The following JMJD1C variants were observed in gnomAD, a reference collection of about 807,000 sequenced individuals.
The protein encoded by JMJD1C is jumonji domain containing 1C.
A neutral mutation model predicts 245.3 loss-of-function variants in JMJD1C; 31 were observed. The observed-to-expected ratio is 0.13, with a 90% CI of 0.09 to 0.17. The LOEUF (loss-of-function observed/expected upper bound fraction) is 0.17, where lower values mean the gene tolerates loss of function less well. Among genes scored for constraint, JMJD1C ranks in the 10% least tolerant of loss-of-function variants. The pLI, the probability that JMJD1C is intolerant of heterozygous loss-of-function variation, is 1.00. For synonymous variants in JMJD1C, 1,057 were observed against 1,017.4 expected, an observed-to-expected ratio of 1.04 and a Z score of -0.74; for missense variants, 2,691 against 3,000.2, an observed-to-expected ratio of 0.90 and a Z score of 2.41.
chr10:63,402,181 A>G (rs1337600777), intron 1 of JMJD1C, among the ~76,000 whole-genome samples: 7 of 151,914 alleles, frequency 4.6e-5, no homozygotes, highest in Non-Finnish European at 7.4e-5. Flanking sequence ...GATTGTTTTC[A>G]AAAGCAAACA....
Position 63,215,393 on chromosome 10 carries a change from T to A in JMJD1C, c.885A>T (p.Val295=). ...PRPAMNSQAA[V]PKQNTHQQQQ... is the part of the protein sequence containing the mutation. ...GTTGCTGGTGTGTATTCTGTTTTGG[T>A]ACAGCAGCTTGGGAGTTCATTGCTG... Residue 295 remains valine (V), a synonymous_variant, in exon 7 of 26, where the codon GTA becomes GTT. Transcript: ENST00000399262. 1 of 1,614,194 alleles carries A rather than the reference T, an allele frequency of 6.2e-7. No individual in the cohort carries two copies. Among genetic ancestry groups the A allele is most frequent in the Non-Finnish European group, 8.5e-7 (1 of 1,180,024 alleles).
chr10:63,478,496 T>C (rs1197205402), intron 1 of JMJD1C, among the ~76,000 whole-genome samples: 2 of 152,188 alleles, frequency 1.3e-5, no homozygotes, highest in African/African-American at 2.4e-5. Flanking sequence ...TGGCGAATCC[T>C]CAAAACCACC....
In JMJD1C at chr10:63,305,629, C is replaced by T. The variant is rs978981558; in HGVS notation, c.334-40865G>A. Reference sequence around the variant, plus strand: ...CTACGGGCAAGCACCACCATGCTGGCGTGTGTGTGTGTGTGTGTGTGTGTG... The same window carrying T: ...CTACGGGCAAGCACCACCATGCTGGTGTGTGTGTGTGTGTGTGTGTGTGTG... On this transcript the variant is annotated intron_variant, in intron 2 of 25. Transcript: ENST00000399262. Among the ~76,000 whole-genome samples the T allele has an allele frequency of 1.7e-3, 207 of 121,772 alleles. 6 individuals carry two copies. The highest frequency in any genetic ancestry group is 3.1e-3 in the South Asian group (10 of 3,196). 79.9% of individuals were successfully genotyped at this position (121,772 alleles called of 152,430 possible).
intron 3 of JMJD1C, among the ~76,000 whole-genome samples, chr10:63,220,434 A>T (rs986201537): frequency 6.6e-6 from 1 of 152,224 alleles, no homozygotes; most frequent in Non-Finnish European, 1.5e-5. Flanking sequence ...AACTACTTTT[A>T]TTCTGTCCTG....
intron 22 of JMJD1C, among the ~76,000 whole-genome samples, chr10:63,179,158 C>T (rs1843176292): frequency 6.6e-6 from 1 of 151,950 alleles, no homozygotes. Flanking sequence ...ACCTGTAATC[C>T]CAGCACTTTG....
chr10:63,254,659 G>A (rs1439897208), intron 3 of JMJD1C, among the ~76,000 whole-genome samples: 3 of 151,602 alleles, frequency 2.0e-5, no homozygotes, highest in African/African-American at 7.3e-5. Context: ...TCCCATCCCC[G>A]CCTCCCAAGT....
chr10:63,266,998 C>A (rs1448605008), intron 2 of JMJD1C, among the ~76,000 whole-genome samples: 1 of 152,092 alleles, frequency 6.6e-6, no homozygotes, highest in Non-Finnish European at 1.5e-5. Context: ...TAAAAAAATT[C>A]TCACGTTTTA....
At chr10:63,290,244 C>T (rs536236126) in intron 2 of JMJD1C, among the ~76,000 whole-genome samples, 2 of 152,114 alleles carry the variant, frequency 1.3e-5, no homozygotes, top group Non-Finnish European at 2.9e-5. Context: ...TGTATATTTC[C>T]GAAACTTCTG....
At chr10:63,469,011 TATAAA>T (rs201016920), upstream of JMJD1C, among the ~76,000 whole-genome samples, 2,025 of 152,270 alleles carry the variant, frequency 0.013, 28 homozygotes, top group African/African-American at 0.034. Flanking sequence ...AAAACTGACT[TATAAA>T]GGAAGAAAAT....
At chr10:63,248,398 G>GTAAACCCAGCTACCCC (rs71025137) in intron 3 of JMJD1C, among the ~76,000 whole-genome samples, 30,491 of 151,826 alleles carry the variant, frequency 0.2, 4,031 homozygotes, top group Non-Finnish European at 0.29. Context: ...GCAGGTGCCT[G>GTAAACCCAGCTACCCC]TAAACCCAGC....
chr10:63,191,066 C>T lies in JMJD1C; in HGVS notation c.6119G>A (p.Arg2040Lys), dbSNP rs1450486764. ...LTLENQIKEE[R>K]EQDNSESPNG... is the part of the protein sequence containing the mutation. ...TGGAGATTCAGAGTTGTCTTGTTCT[C>T]TTTCTTCTTTAATTTGGTTTTCAAG... The change falls in exon 17 of 26, where the codon AGA (arginine) becomes AAA (lysine). Residue 2040 changes from arginine (R) to lysine (K), a missense_variant. This residue lies in a region of JMJD1C where 275 missense variants were observed against 285.5 expected (regional missense o/e 0.96). Coordinates refer to ENST00000399262, the MANE Select transcript of JMJD1C (RefSeq NM_032776.3). 6.2e-7 allele frequency: 1 copy of T among 1,613,872 alleles called. No individual in the cohort carries two copies. The highest frequency in any genetic ancestry group is 1.3e-5 in the African/African-American group (1 of 74,924).
At chr10:63,515,121 T>A (rs1308152619) in intron 1 of JMJD1C, among the ~76,000 whole-genome samples, 2 of 152,102 alleles carry the variant, frequency 1.3e-5, no homozygotes, top group Non-Finnish European at 2.9e-5. Flanking sequence ...TCCCTTCAAA[T>A]GGAACAGGGT....
At chr10:63,306,925 T>C (rs558881016) in intron 2 of JMJD1C, among the ~76,000 whole-genome samples, 1 of 152,300 alleles carries the variant, frequency 6.6e-6, no homozygotes, top group East Asian at 1.9e-4. Flanking sequence ...TTTACCAGGG[T>C]TAAACGTCCT....
chr10:63,516,247 A>C (rs1446969675), intron 1 of JMJD1C, among the ~76,000 whole-genome samples: 2 of 151,864 alleles, frequency 1.3e-5, no homozygotes, highest in African/African-American at 4.8e-5. Flanking sequence ...AAAAAAAAAA[A>C]AACCTGGGAA....
intron 1 of JMJD1C, among the ~76,000 whole-genome samples, chr10:63,440,537 A>G (rs1177173773): frequency 6.6e-6 from 1 of 152,114 alleles, no homozygotes; most frequent in Non-Finnish European, 1.5e-5. Context: ...TTTTTCATTC[A>G]GAAGTTTCTA....
intron 1 of JMJD1C, among the ~76,000 whole-genome samples, chr10:63,417,100 A>G (rs1949851766): frequency 6.6e-6 from 1 of 152,174 alleles, no homozygotes; most frequent in African/African-American, 2.4e-5. Context: ...CTCTGTGATC[A>G]AAGTCACTGA....
chr10:63,405,131 T>C (rs1443125192), intron 1 of JMJD1C, among the ~76,000 whole-genome samples: 1 of 152,198 alleles, frequency 6.6e-6, no homozygotes, highest in Non-Finnish European at 1.5e-5. Context: ...AACACATGTA[T>C]GTACATTCTC....
At position 63,215,312 on chromosome 10, in the gene JMJD1C, T is replaced by G. The variant is rs200728992; in HGVS notation, c.966A>C (p.Pro322=). The change falls in exon 7 of 26, where the codon CCA becomes CCC. Residue 322 remains proline, a synonymous_variant. Coordinates refer to ENST00000399262, the MANE Select transcript of JMJD1C (RefSeq NM_032776.3). ...TTTCCTCCTTCATCTTCTCTTCATC[T>G]GGTATACTGCTATCTGAGCCCTTCC... ...NKRKGSDSSI[P]DEEKMKEEKY... 6.2e-7 allele frequency: 1 copy of G among 1,614,014 alleles called. No individual in the cohort carries two copies. The highest frequency in any genetic ancestry group is 1.1e-5 in the South Asian group (1 of 91,092).
rs1025823255 is a variant in JMJD1C at position 63,222,753 on chromosome 10, T to C, written c.448-2770A>G. 1.5e-5 allele frequency: 22 copies of C among 1,507,796 alleles called. No homozygotes were observed. In the African/African-American group the frequency reaches 2.8e-4, roughly 19 times the overall value. 93.4% of individuals were successfully genotyped at this position (1,507,796 alleles called of 1,614,324 possible). On this transcript the variant is annotated intron_variant, in intron 3 of 25. Coordinates refer to ENST00000399262, the MANE Select transcript of JMJD1C (RefSeq NM_032776.3). ...TATATAGGATTTAATGGTTGCTCACTGAAAACTGAAACTAATTTGGAAGTT... is the reference window on the plus strand; with the variant it reads ...TATATAGGATTTAATGGTTGCTCACCGAAAACTGAAACTAATTTGGAAGTT...
Sources: gnomAD v4.1 joint callset for allele counts (sites outside exome capture counted in the v4.1 genomes callset) on GRCh38, gnomAD v4.1.1 for gene constraint, gnomAD v4.1.1 regional missense constraint, MANE v1.5 for transcripts, NCBI Gene and HGNC (gene_info 2026-07-23, HGNC 2026-07-21) for gene names.